ATP8A2: variants seen among roughly 807,000 people sequenced by gnomAD.
ATP8A2 encodes the protein phospholipid-transporting ATPase IB.
ATP8A2 carries 100 observed loss-of-function variants against 165.6 expected under a neutral mutation model. The ratio of observed to expected loss-of-function variants is 0.60; its 90% confidence interval spans 0.51 to 0.71. The LOEUF is 0.71. Among genes scored for constraint, ATP8A2 ranks in the 30% least tolerant of loss-of-function variants. ATP8A2 has a pLI of 0.00. For missense variants in ATP8A2, 1,227 were observed against 1,479.5 expected (o/e 0.83, Z 2.80); for synonymous variants, 543 against 548.8 (o/e 0.99, Z 0.15).
At chr13:25,558,894 T>C in intron 13 of ATP8A2, 79 bp from the exon 14 acceptor site, 3 of 1,013,684 alleles carry the variant, frequency 3.0e-6, no homozygotes, top group Non-Finnish European at 2.9e-6. Flanking sequence ...TTTTGAAAAA[T>C]ATAGAAGGAA....
chr13:25,571,003 GC>G, intron 17 of ATP8A2, 131 bp downstream of exon 17: 1 of 632,892 alleles, frequency 1.6e-6, no homozygotes, highest in Non-Finnish European at 2.7e-6. Context: ...TCACCCTGTG[GC>G]CAGGCTGTGG....
intron 2 of ATP8A2, among the ~76,000 whole-genome samples, chr13:25,484,929 T>C (rs1022084884): frequency 2.0e-5 from 3 of 152,246 alleles, no homozygotes; most frequent in African/African-American, 7.2e-5. Flanking sequence ...GTTACCAAGC[T>C]CTGACAGTTT....
At chr13:25,488,319 C>T (rs899734910) in intron 2 of ATP8A2, among the ~76,000 whole-genome samples, 4 of 152,194 alleles carry the variant, frequency 2.6e-5, no homozygotes, top group African/African-American at 9.7e-5. Flanking sequence ...TTAAACAACT[C>T]CCTGTTCTTC....
chr13:25,873,357 A>C (rs991070319), intron 33 of ATP8A2, among the ~76,000 whole-genome samples: 4 of 152,186 alleles, frequency 2.6e-5, no homozygotes, highest in Non-Finnish European at 5.9e-5. Flanking sequence ...ATGTTGGCTA[A>C]TCATTTTCTC....
chr13:25,754,459 G>C (rs957522322), intron 25 of ATP8A2, among the ~76,000 whole-genome samples: 1 of 151,802 alleles, frequency 6.6e-6, no homozygotes, highest in African/African-American at 2.4e-5. Context: ...GCTACAAATA[G>C]CTTCTTGGAA....
intron 1 of ATP8A2, among the ~76,000 whole-genome samples, chr13:25,450,522 T>A (rs1195979420): frequency 7.7e-6 from 1 of 130,114 alleles, no homozygotes. Context: ...CCATTCTGAC[T>A]GGTCTTTGTG....
chr13:26,010,307 A>G (rs1054417682), intron 35 of ATP8A2, among the ~76,000 whole-genome samples: 1 of 152,184 alleles, frequency 6.6e-6, no homozygotes, highest in African/African-American at 2.4e-5. Context: ...CATAAGCCCC[A>G]TCATGAGGAG....
chr13:25,752,343 C>T (rs536219845), intron 25 of ATP8A2, among the ~76,000 whole-genome samples: 1 of 152,154 alleles, frequency 6.6e-6, no homozygotes, highest in East Asian at 1.9e-4. Context: ...CCCCTGTAGT[C>T]CTAGCTACTT....
At position 25,504,422 on chromosome 13, in the gene ATP8A2, T is replaced by C. The variant is rs1016621888; in HGVS notation, c.222-25577T>C. The stretch of plus-strand genomic sequence containing the variant: ...TAATTTTTAAAAATCTTTCCTTTCC[T>C]TTTTTTTTTTTTTTTTTTTTAAAAA... On this transcript the variant is annotated intron_variant, in intron 2 of 36. Transcript: ENST00000381655. Among the ~76,000 whole-genome samples, 16 of 81,406 alleles carry C rather than the reference T, an allele frequency of 2.0e-4. 1 individual carries two copies. The South Asian group carries it at 3.5e-3, about 18-fold the overall frequency. 53.4% of individuals were successfully genotyped at this position (81,406 alleles called of 152,430 possible).
intron 4 of ATP8A2, among the ~76,000 whole-genome samples, chr13:25,531,269 A>G (rs1279378661): frequency 1.9e-5 from 2 of 104,754 alleles, no homozygotes; most frequent in African/African-American, 7.9e-5. Context: ...TATGATATAT[A>G]TGATATATAT....
At chr13:25,871,561 A>G (rs1280134402) in intron 33 of ATP8A2, among the ~76,000 whole-genome samples, 1 of 152,226 alleles carries the variant, frequency 6.6e-6, no homozygotes, top group Non-Finnish European at 1.5e-5. Flanking sequence ...ATAGCATGCT[A>G]TTAGGCATGT....
intron 33 of ATP8A2, among the ~76,000 whole-genome samples, chr13:25,915,609 C>G (rs1312788506): frequency 1.3e-5 from 2 of 152,186 alleles, no homozygotes; most frequent in Non-Finnish European, 2.9e-5. Context: ...CTTCTCTAAC[C>G]TCTTGCCAGC....
rs933551583 is a variant in ATP8A2, at chr13:25,953,765, C to T, written c.3184-7810C>T. ...AGCACAGGGGATTGAGGAACTCCCT[C>T]CCCTAGCCGAGGGAAGCCGTGAGGG... On this transcript the variant is annotated intron_variant, in intron 33 of 36. Transcript: ENST00000381655. The surrounding 1 kb of genome is among the most constrained non-coding windows in gnomAD (Gnocchi z 6.7). Among the ~76,000 whole-genome samples, 21 of 152,078 alleles carry T rather than the reference C, an allele frequency of 1.4e-4. No individual in the cohort carries two copies. The highest frequency in any genetic ancestry group is 4.3e-4 in the African/African-American group (18 of 41,416).
At chr13:25,412,961 G>T (rs2034014735) in intron 1 of ATP8A2, among the ~76,000 whole-genome samples, 1 of 152,146 alleles carries the variant, frequency 6.6e-6, no homozygotes, top group Non-Finnish European at 1.5e-5. Flanking sequence ...GGGAATACAG[G>T]TGTGTGCCAC....
intron 1 of ATP8A2, among the ~76,000 whole-genome samples, chr13:25,445,840 A>T (rs1241303140): frequency 1.3e-5 from 2 of 151,980 alleles, no homozygotes; most frequent in Non-Finnish European, 2.9e-5. Context: ...GCAGATGAGA[A>T]CCCAGTGGTG....
intron 24 of ATP8A2, among the ~76,000 whole-genome samples, chr13:25,617,477 A>C (rs908527185): frequency 1.3e-5 from 2 of 152,200 alleles, no homozygotes; most frequent in Admixed American, 6.5e-5. Context: ...CCCTCTGAGA[A>C]ATGAGAGGAT....
intron 2 of ATP8A2, among the ~76,000 whole-genome samples, chr13:25,473,154 G>A (rs1171965659): frequency 6.6e-6 from 1 of 152,128 alleles, no homozygotes; most frequent in Non-Finnish European, 1.5e-5. Context: ...CTGAATTCTG[G>A]CCAATTCCTT....
intron 24 of ATP8A2, among the ~76,000 whole-genome samples, chr13:25,616,613 T>G (rs1475127750): frequency 6.6e-6 from 1 of 152,220 alleles, no homozygotes; most frequent in African/African-American, 2.4e-5. Context: ...ATTATAGGCG[T>G]GAACCATGAC....
chr13:25,547,432 C>T (rs868279159), intron 10 of ATP8A2, among the ~76,000 whole-genome samples: 12 of 152,072 alleles, frequency 7.9e-5, no homozygotes, highest in African/African-American at 2.7e-4. Context: ...TTGTGAACTG[C>T]GCATACAAGG....
Sources: gnomAD v4.1 joint callset for allele counts (sites outside exome capture counted in the v4.1 genomes callset) on GRCh38, gnomAD v4.1.1 for gene constraint, Gnocchi (gnomAD v3.1) non-coding constraint, MANE v1.5 for transcripts, NCBI Gene and HGNC (gene_info 2026-07-23, HGNC 2026-07-21) for gene names.